The following TTC39B variants were observed in gnomAD, a reference collection of about 807,000 sequenced individuals.
TTC39B encodes tetratricopeptide repeat domain 39B.
A neutral mutation model predicts 96.6 loss-of-function variants in TTC39B; 92 were observed. The ratio of observed to expected loss-of-function variants is 0.95; its 90% CI spans 0.80 to 1.13. The LOEUF (loss-of-function observed/expected upper bound fraction) is 1.13, where lower values mean the gene tolerates loss of function less well. Among genes scored for constraint, TTC39B ranks in the 50% most tolerant of loss-of-function variants. The pLI, the probability that TTC39B is intolerant of heterozygous loss-of-function variation, is 0.00. For missense variants in TTC39B, 955 were observed against 809.3 expected, an observed-to-expected ratio of 1.18 and a Z score of -2.18; for synonymous variants, 367 against 299.4, an observed-to-expected ratio of 1.23 and a Z score of -2.33.
intron 8 of TTC39B, 98 bp downstream of exon 8, chr9:15,199,763 A>AAAAAAAAC (rs1564337943): frequency 7.5e-6 from 3 of 402,336 alleles, no homozygotes; most frequent in African/African-American, 6.8e-5. Flanking sequence ...AAAAAAAAAA[A>AAAAAAAAC]AAAAATCCTA....
chr9:15,166,982 T>TCATATATATA (rs1817529336), exon 20 of TTC39B: 1 of 20,280 alleles, frequency 4.9e-5, no homozygotes, highest in Admixed American at 8.4e-4. Context: ...AACCTTTATT[T>TCATATATATA]TATATATATA....
intron 2 of TTC39B, among the ~76,000 whole-genome samples, chr9:15,228,770 T>C (rs573413312): frequency 1.3e-5 from 2 of 152,340 alleles, no homozygotes; most frequent in African/African-American, 4.8e-5. Context: ...AGTTAAAATA[T>C]TACTGTGCCT....
chr9:15,212,283 CTG>C (rs957790276), intron 4 of TTC39B, among the ~76,000 whole-genome samples: 35 of 151,284 alleles, frequency 2.3e-4, no homozygotes, highest in Admixed American at 2.1e-3. Flanking sequence ...AGGGCACTAT[CTG>C]TTCAAAAGAA....
chr9:15,232,417 G>A (rs977743890), intron 2 of TTC39B: 6 of 152,324 alleles, frequency 3.9e-5, no homozygotes, highest in African/African-American at 1.4e-4. Flanking sequence ...AAAAGCAGTA[G>A]CCTCTCTAGA....
chr9:15,246,654 C>T (rs519664), intron 2 of TTC39B, among the ~76,000 whole-genome samples: 54,981 of 152,144 alleles, frequency 0.36, 14,383 homozygotes, highest in African/African-American at 0.75. Flanking sequence ...TACTAAAGCT[C>T]AGAACCACAT....
intron 7 of TTC39B, 49 bp from the exon 8 acceptor site, chr9:15,199,974 A>C (rs1464297644): frequency 1.8e-6 from 2 of 1,099,298 alleles, no homozygotes; most frequent in Non-Finnish European, 2.7e-6. Flanking sequence ...AAAAATTTTA[A>C]ATTGTCCCCA....
chr9:15,266,538 C>G (rs949888395), intron 2 of TTC39B, among the ~76,000 whole-genome samples: 1 of 151,886 alleles, frequency 6.6e-6, no homozygotes, highest in Admixed American at 6.6e-5. Context: ...TGAAATAATA[C>G]CCAGTGATGA....
chr9:15,260,100 T>C (rs1339800735), intron 2 of TTC39B, among the ~76,000 whole-genome samples: 4 of 152,158 alleles, frequency 2.6e-5, no homozygotes, highest in African/African-American at 4.8e-5. Flanking sequence ...TAAATTAATA[T>C]TGCAATAGAG....
chr9:15,219,970 C>G (rs750797096), intron 3 of TTC39B, among the ~76,000 whole-genome samples: 25 of 152,194 alleles, frequency 1.6e-4, no homozygotes, highest in Non-Finnish European at 2.6e-4. Flanking sequence ...CATTCTCCAA[C>G]ATAGTCTTTG....
At position 15,286,851 on chromosome 9, in the gene TTC39B, G is replaced by A. The variant is rs187927980; in HGVS notation, c.241-18903C>T. Among the ~76,000 whole-genome samples the A allele has an allele frequency of 9.8e-4, 149 of 152,088 alleles. 1 individual carries two copies. The highest frequency in any genetic ancestry group is 3.2e-3 in the African/African-American group (134 of 41,460). On this transcript the variant is annotated intron_variant, in intron 1 of 19. Transcript: ENST00000512701. The stretch of plus-strand genomic sequence containing the variant: ...GGATTCCTATTACTTTCTATGGCCC[G>A]TAATACTCCACTGTTCTTAATTATT...
intron 6 of TTC39B, among the ~76,000 whole-genome samples, chr9:15,206,645 C>G (rs1819872520): frequency 6.6e-6 from 1 of 152,004 alleles, no homozygotes; most frequent in African/African-American, 2.4e-5. Flanking sequence ...ATAATGTTAG[C>G]TAAGCTAAAT....
intron 16 of TTC39B, among the ~76,000 whole-genome samples, chr9:15,183,050 A>G (rs1248945518): frequency 6.6e-6 from 1 of 152,242 alleles, no homozygotes; most frequent in Non-Finnish European, 1.5e-5. Flanking sequence ...TTTTGCTTGA[A>G]AATATTTTTC....
intron 2 of TTC39B, among the ~76,000 whole-genome samples, chr9:15,259,793 T>C (rs985428050): frequency 6.6e-6 from 1 of 152,188 alleles, no homozygotes; most frequent in Non-Finnish European, 1.5e-5. Context: ...AGCATCTATC[T>C]GTACTACACA....
chr9:15,260,271 C>G (rs904245352), intron 2 of TTC39B, among the ~76,000 whole-genome samples: 6 of 134,918 alleles, frequency 4.4e-5, no homozygotes, highest in African/African-American at 1.8e-4. Context: ...CAAAATTCCT[C>G]ATTGTGTTTT....
chr9:15,193,034 G>A (rs183881884), intron 8 of TTC39B, among the ~76,000 whole-genome samples: 2 of 152,246 alleles, frequency 1.3e-5, no homozygotes, highest in African/African-American at 4.8e-5. Flanking sequence ...CCCTGCAAGC[G>A]CTCAGCTCCT....
intron 1 of TTC39B, among the ~76,000 whole-genome samples, chr9:15,276,829 T>C (rs140922067): frequency 1.3e-3 from 200 of 152,254 alleles, no homozygotes; most frequent in African/African-American, 4.6e-3. Context: ...GGATGTGAGA[T>C]AACTCACAGA....
chr9:15,230,600 T>C (rs140914336), intron 2 of TTC39B, among the ~76,000 whole-genome samples: 326 of 152,358 alleles, frequency 2.1e-3, no homozygotes, highest in African/African-American at 7.5e-3. Context: ...TGTATAGCTA[T>C]ACCACATTTT....
At chr9:15,275,089 T>C (rs935498292) in intron 1 of TTC39B, among the ~76,000 whole-genome samples, 4 of 152,052 alleles carry the variant, frequency 2.6e-5, no homozygotes, top group Non-Finnish European at 5.9e-5. Flanking sequence ...TTGTCCAGGC[T>C]GGAGTGCAAT....
At chr9:15,279,667 G>C (rs1261471977) in intron 1 of TTC39B, among the ~76,000 whole-genome samples, 1 of 152,116 alleles carries the variant, frequency 6.6e-6, no homozygotes, top group Non-Finnish European at 1.5e-5. Flanking sequence ...ATCTCCTAAA[G>C]GTACTCGTGA....
Sources: allele counts gnomAD v4.1 joint callset (sites outside exome capture counted in the v4.1 genomes callset), GRCh38; gene constraint gnomAD v4.1.1; transcripts MANE v1.5; gene names NCBI Gene and HGNC (gene_info 2026-07-23, HGNC 2026-07-21).